NLRP5: variants seen among roughly 807,000 people sequenced by gnomAD.
NLRP5 encodes NLR family pyrin domain containing 5, also known as NACHT, LRR and PYD domains-containing protein 5.
In NLRP5, 93 loss-of-function variants were observed where a neutral mutation model predicts 113.1. The ratio of observed to expected loss-of-function variants is 0.82; its 90% CI spans 0.70 to 0.98. The LOEUF (loss-of-function observed/expected upper bound fraction) is 0.98, where lower values mean the gene tolerates loss of function less well. Ranked by LOEUF, NLRP5 falls within the 50% of genes least tolerant of loss-of-function variation. NLRP5 has a pLI of 0.00. For synonymous variants in NLRP5, 751 were observed against 600.7 expected (o/e 1.25, Z -3.66); for missense variants, 1,808 against 1,514.3 (o/e 1.19, Z -3.22).
At chr19:55,993,798 G>C in the NLRP5 span, among the ~76,000 whole-genome samples, 1 of 150,888 alleles carries the variant, frequency 6.6e-6, no homozygotes. Context: ...AGAGCTACAG[G>C]CTCATCTGTG....
chr19:56,007,895 G>GTGCA (rs1555764375), intron 2 of NLRP5, among the ~76,000 whole-genome samples: 1,380 of 58,466 alleles, frequency 0.024, 69 homozygotes, highest in East Asian at 0.067. Flanking sequence ...GTGTGCGCGT[G>GTGCA]CGCGCGTGCG....
chr19:56,031,145 A>G (rs1027225130), intron 7 of NLRP5, among the ~76,000 whole-genome samples: 1 of 152,116 alleles, frequency 6.6e-6, no homozygotes, highest in Middle Eastern at 3.2e-3. Context: ...ACGGGAGACT[A>G]ATTGCTCCAA....
Position 56,019,350 on chromosome 19 carries a change from C to G in NLRP5, c.574C>G (p.Gln192Glu). 6.2e-7 allele frequency: 1 copy of G among 1,613,936 alleles called. No homozygotes were observed. ...TCATTCTTCTTTTGCAGAAATTTCA[C>G]AAGCTATGGAACAAGAAGGTGCCAC... Residue 192 changes from glutamine (Q) to glutamate (E), a missense_variant, in exon 5 of 15, where the codon CAA becomes GAA. Coordinates refer to ENST00000390649, the MANE Select transcript of NLRP5 (RefSeq NM_153447.4).
intron 5 of NLRP5, among the ~76,000 whole-genome samples, chr19:56,020,071 G>GGC (rs1568487833): frequency 6.6e-5 from 10 of 151,662 alleles, no homozygotes; most frequent in Non-Finnish European, 1.5e-5. Flanking sequence ...TCGTGACCTC[G>GGC]GCTGCCCACC....
intron 13 of NLRP5, among the ~76,000 whole-genome samples, chr19:56,056,424 G>A (rs1444884430): frequency 2.0e-5 from 3 of 152,154 alleles, no homozygotes; most frequent in South Asian, 4.1e-4. Context: ...GGGCTTGGTG[G>A]CGTACGCCTG....
the NLRP5 span, chr19:55,988,243 CA>C: frequency 3.2e-5 from 5 of 155,578 alleles, no homozygotes; most frequent in East Asian, 9.6e-4. Context: ...AAAAAAAATA[CA>C]AAAAATTAGG....
chr19:56,001,193 T>C (rs513949), intron 1 of NLRP5, among the ~76,000 whole-genome samples: 82,696 of 147,004 alleles, frequency 0.56, 23,703 homozygotes, highest in East Asian at 0.88. Flanking sequence ...GGTGCAGTGA[T>C]GCAAGCCTGT....
chr19:56,025,893 C>G (rs924393180), intron 6 of NLRP5, among the ~76,000 whole-genome samples: 1 of 151,990 alleles, frequency 6.6e-6, no homozygotes, highest in African/African-American at 2.4e-5. Context: ...ATTCATTTAA[C>G]AAATACTTGA....
chr19:56,041,674 G>A (rs568575083), intron 11 of NLRP5, among the ~76,000 whole-genome samples: 19 of 152,188 alleles, frequency 1.2e-4, no homozygotes, highest in African/African-American at 2.4e-4. Flanking sequence ...GCAGCGGGGC[G>A]CGGTGGCTCA....
At chr19:56,056,492 G>A (rs139042740) in intron 13 of NLRP5, among the ~76,000 whole-genome samples, 1 of 152,270 alleles carries the variant, frequency 6.6e-6, no homozygotes, top group African/African-American at 2.4e-5. Flanking sequence ...GGGAGGCGGA[G>A]GTTGCAGTGA....
At chr19:56,048,183 T>C (rs1157331156) in intron 11 of NLRP5, among the ~76,000 whole-genome samples, 1 of 152,210 alleles carries the variant, frequency 6.6e-6, no homozygotes, top group African/African-American at 2.4e-5. Flanking sequence ...CTGTATCTTT[T>C]AAGTGGAGCG....
chr19:56,033,545 T>C lies in NLRP5; in HGVS notation c.2451T>C (p.Phe817=). The stretch of plus-strand genomic sequence containing the variant: ...TGTCTCCCCTTCCCCATTGCAGGTT[T>C]AGAAATGCACAGATTACCCCTGGTG... The change falls in exon 9 of 15, where the codon TTT becomes TTC. Residue 817 remains phenylalanine (F), a synonymous_variant. Coordinates refer to ENST00000390649, the MANE Select transcript of NLRP5 (RefSeq NM_153447.4). The C allele has an allele frequency of 6.2e-7, 1 of 1,611,112 alleles. No homozygotes were observed. Among genetic ancestry groups the C allele is most frequent in the Non-Finnish European group, 8.5e-7 (1 of 1,178,594 alleles).
At chr19:56,033,103 TAGC>T (rs1371408929) in intron 8 of NLRP5, among the ~76,000 whole-genome samples, 3 of 151,748 alleles carry the variant, frequency 2.0e-5, no homozygotes, top group Admixed American at 6.6e-5. Context: ...AAAAAAAAAT[TAGC>T]AGGGCATGGT....
At chr19:56,009,340 A>AAAAAG (rs1982089789) in intron 3 of NLRP5, among the ~76,000 whole-genome samples, 1 of 23,000 alleles carries the variant, frequency 4.3e-5, no homozygotes, top group African/African-American at 1.9e-4. Flanking sequence ...ACTCCATCTC[A>AAAAAG]AAAAAAAAAA....
At chr19:56,048,750 T>G (rs1173325335) in intron 11 of NLRP5, among the ~76,000 whole-genome samples, 3 of 152,112 alleles carry the variant, frequency 2.0e-5, no homozygotes, top group Admixed American at 2.0e-4. Flanking sequence ...TTCTTGTATT[T>G]GGATGTCTAG....
At chr19:56,042,767 A>G (rs1283953582) in intron 11 of NLRP5, among the ~76,000 whole-genome samples, 2 of 152,128 alleles carry the variant, frequency 1.3e-5, no homozygotes, top group East Asian at 1.9e-4. Flanking sequence ...TCTTCCCCCA[A>G]AATCCCCAAA....
At chr19:56,018,511 C>T (rs904726889) in intron 4 of NLRP5, 1 of 152,216 alleles carries the variant, frequency 6.6e-6, no homozygotes, top group Non-Finnish European at 1.5e-5. Flanking sequence ...CATACAGAAA[C>T]ATTTAACTTC....
At chr19:55,999,212 CTTTTT>C (rs906346601), upstream of NLRP5, among the ~76,000 whole-genome samples, 2 of 111,714 alleles carry the variant, frequency 1.8e-5, no homozygotes, top group African/African-American at 6.9e-5. Context: ...TTTTCTTTTT[CTTTTT>C]TTTTTTTTTT....
chr19:56,033,779 G>A (rs758328590), intron 9 of NLRP5, 70 bp downstream of exon 9: 2 of 1,383,366 alleles, frequency 1.4e-6, no homozygotes, highest in Non-Finnish European at 2.0e-6. Context: ...ATTACATAAA[G>A]TGGCAAAAAT....
Sources: allele counts gnomAD v4.1 joint callset (sites outside exome capture counted in the v4.1 genomes callset), GRCh38; gene constraint gnomAD v4.1.1; transcripts MANE v1.5; gene names NCBI Gene and HGNC (gene_info 2026-07-23, HGNC 2026-07-21).